Variants in LRBA observed in about 807,000 individuals in gnomAD.
LRBA encodes lipopolysaccharide-responsive and beige-like anchor protein.
In LRBA, 176 loss-of-function variants were observed where a neutral mutation model predicts 330.0. The observed-to-expected ratio is 0.53, with a 90% confidence interval of 0.47 to 0.60. The LOEUF is 0.60. Among genes scored for constraint, LRBA ranks in the 20% least tolerant of loss-of-function variants. The pLI is 0.00. For synonymous variants in LRBA, 1,230 were observed against 1,193.0 expected (o/e 1.03, Z -0.64); for missense variants, 3,259 against 3,444.8 (o/e 0.95, Z 1.35).
rs866062810 is a variant in LRBA, at chr4:150,489,241, A to T, written c.6449-1407T>A. Among the ~76,000 whole-genome samples, 15 of 102,634 alleles carry T rather than the reference A, an allele frequency of 1.5e-4. 1 individual carries two copies. The highest frequency in any genetic ancestry group is 1.2e-4 in the Non-Finnish European group (7 of 56,648). 67.3% of individuals were successfully genotyped at this position (102,634 alleles called of 152,430 possible). On this transcript the variant is annotated intron_variant, in intron 41 of 56. Transcript: ENST00000651943. Reference sequence around the variant, plus strand: ...GAATATATAATATATTATATATACGAATATATAATATATTATATATAAGAA... The same window carrying T: ...GAATATATAATATATTATATATACGTATATATAATATATTATATATAAGAA...
intron 48 of LRBA, among the ~76,000 whole-genome samples, chr4:150,336,818 C>G (rs1198221144): frequency 6.6e-6 from 1 of 152,164 alleles, no homozygotes; most frequent in Non-Finnish European, 1.5e-5. Flanking sequence ...AGCTGCCAAT[C>G]TGAAAGAAAC....
At chr4:150,510,444 T>C (rs765113479) in intron 40 of LRBA, among the ~76,000 whole-genome samples, 8 of 152,176 alleles carry the variant, frequency 5.3e-5, no homozygotes, top group Admixed American at 2.0e-4. Context: ...CACTTAAATA[T>C]TTGTAAAATT....
chr4:150,340,987 CTT>C (rs1735459689), intron 48 of LRBA, among the ~76,000 whole-genome samples: 1 of 152,104 alleles, frequency 6.6e-6, no homozygotes, highest in Non-Finnish European at 1.5e-5. Flanking sequence ...AATGATCTGA[CTT>C]ACAGTTTCAA....
In LRBA at chr4:150,282,655, A is replaced by T. The variant is rs781121695; in HGVS notation, c.8120-9T>A. On this transcript the variant is annotated splice_polypyrimidine_tract_variant and intron_variant, in intron 54 of 56. Coordinates refer to ENST00000651943, the MANE Select transcript of LRBA (RefSeq NM_001364905.1). ...TATGAGACATGGTCCTTCTGAGAAG[A>T]GAGGAGAAATAAAAGGCAAAATTAT... is the stretch of plus-strand genomic sequence containing the variant. The T allele has an allele frequency of 5.7e-6, 9 of 1,579,688 alleles. No homozygotes were observed. In the East Asian group the frequency reaches 2.0e-4, roughly 36 times the overall value.
At chr4:150,652,727 A>C (rs945445217) in intron 37 of LRBA, among the ~76,000 whole-genome samples, 1 of 152,236 alleles carries the variant, frequency 6.6e-6, no homozygotes, top group Non-Finnish European at 1.5e-5. Context: ...AGCATTTTAC[A>C]ACTTATGGCA....
Position 150,970,072 on chromosome 4 carries a change from A to C in LRBA, c.217-41007T>G, listed in dbSNP as rs373951477. Reference sequence around the variant, plus strand: ...GAGCAACCACCACCCTGATCGAGGCAAAACCCTCCACCACCAAAAAGATTA... The same window carrying C: ...GAGCAACCACCACCCTGATCGAGGCCAAACCCTCCACCACCAAAAAGATTA... On this transcript the variant is annotated intron_variant, in intron 2 of 56. Coordinates refer to ENST00000651943, the MANE Select transcript of LRBA (RefSeq NM_001364905.1). Among the ~76,000 whole-genome samples, 20 of 152,340 alleles carry C rather than the reference A, an allele frequency of 1.3e-4. No individual in the cohort carries two copies. In the South Asian group the frequency reaches 4.1e-3, roughly 32 times the overall value.
In LRBA at chr4:150,515,800, T is replaced by A. The variant is rs546881037; in HGVS notation, c.6331-24765A>T. The stretch of plus-strand genomic sequence containing the variant: ...CACAAATATTGAAATTAGAAAAAAA[T>A]TTCATTCATAATTGCAAGAAAAACA... On this transcript the variant is annotated intron_variant, in intron 40 of 56. Transcript: ENST00000651943. Among the ~76,000 whole-genome samples the A allele has an allele frequency of 1.3e-3, 191 of 152,076 alleles. 4 individuals are homozygous for A. Among genetic ancestry groups the A allele is most frequent in the African/African-American group, 4.5e-3 (187 of 41,490 alleles).
intron 48 of LRBA, among the ~76,000 whole-genome samples, chr4:150,336,179 C>T (rs1476488806): frequency 6.6e-6 from 1 of 152,122 alleles, no homozygotes; most frequent in African/African-American, 2.4e-5. Flanking sequence ...AAGCCCCGTA[C>T]CCAATAGTTA....
intron 35 of LRBA, among the ~76,000 whole-genome samples, chr4:150,736,143 C>G (rs1449142295): frequency 6.6e-6 from 1 of 152,116 alleles, no homozygotes; most frequent in African/African-American, 2.4e-5. Flanking sequence ...AAAAACCCAG[C>G]CTTGAGTCAG....
intron 32 of LRBA, among the ~76,000 whole-genome samples, chr4:150,808,110 A>T (rs1743069982): frequency 6.6e-6 from 1 of 151,720 alleles, no homozygotes; most frequent in South Asian, 2.1e-4. Flanking sequence ...TACATCATGA[A>T]ATGACTTGTA....
chr4:150,423,286 C>A, intron 46 of LRBA: 1 of 848,322 alleles, frequency 1.2e-6, no homozygotes. Flanking sequence ...AGGGGTGTCT[C>A]CCTTCAAACA....
chr4:150,959,038 T>C (rs1441140549), intron 2 of LRBA, among the ~76,000 whole-genome samples: 2 of 149,286 alleles, frequency 1.3e-5, no homozygotes, highest in South Asian at 2.1e-4. Context: ...CACCCTACCA[T>C]TACCAATTTA....
At chr4:150,978,968 G>A (rs1451824490) in intron 2 of LRBA, among the ~76,000 whole-genome samples, 1 of 152,102 alleles carries the variant, frequency 6.6e-6, no homozygotes, top group African/African-American at 2.4e-5. Context: ...GGGGTAGAAA[G>A]TCTATTCAAA....
At chr4:150,518,456 G>T (rs1762590550) in intron 40 of LRBA, among the ~76,000 whole-genome samples, 2 of 152,120 alleles carry the variant, frequency 1.3e-5, no homozygotes, top group Admixed American at 1.3e-4. Context: ...ATGGATAAGG[G>T]GAGGCTACTG....
chr4:150,310,536 A>G (rs1730925055), intron 51 of LRBA, 152 bp from the exon 52 acceptor site: 3 of 515,188 alleles, frequency 5.8e-6, no homozygotes. Flanking sequence ...AAACATATCC[A>G]ATTGCTGGAA....
intron 2 of LRBA, among the ~76,000 whole-genome samples, chr4:150,987,640 A>G (rs1469989457): frequency 2.1e-4 from 32 of 151,942 alleles, no homozygotes; most frequent in Admixed American, 2.0e-3. Flanking sequence ...TGGGAGACAG[A>G]GGTGGCAGTG....
In LRBA at chr4:150,852,065, T is replaced by G. The variant is rs1750679811; in HGVS notation, c.3645A>C (p.Ala1215=). The part of the protein sequence containing the change: ...LGQMLEEGKK[A]TNLTRETKLI... ...ATTTGGTTTCTCTAGTGAGGTTAGTTGCTTTCTTCCCTTCCTCCAGCATCT... is the reference window on the plus strand; with the variant it reads ...ATTTGGTTTCTCTAGTGAGGTTAGTGGCTTTCTTCCCTTCCTCCAGCATCT... Residue 1215 remains alanine (A), a synonymous_variant, in exon 23 of 57, where the codon GCA becomes GCC. Transcript: ENST00000651943. The G allele has an allele frequency of 6.2e-7, 1 of 1,614,170 alleles. No individual in the cohort carries two copies. The highest frequency in any genetic ancestry group is 8.5e-7 in the Non-Finnish European group (1 of 1,180,006).
intron 40 of LRBA, among the ~76,000 whole-genome samples, chr4:150,549,411 A>C (rs1178925216): frequency 2.0e-5 from 3 of 151,914 alleles, no homozygotes; most frequent in Non-Finnish European, 4.4e-5. Context: ...GGCTCACTGC[A>C]AGCTCCGCCT....
intron 48 of LRBA, among the ~76,000 whole-genome samples, chr4:150,328,417 CTT>C (rs1292046417): frequency 2.6e-5 from 4 of 151,802 alleles, no homozygotes; most frequent in Admixed American, 6.6e-5. Flanking sequence ...ATCTTTCTCT[CTT>C]GTTGTATATG....
Sources: gnomAD v4.1 joint callset for allele counts (sites outside exome capture counted in the v4.1 genomes callset) on GRCh38, gnomAD v4.1.1 for gene constraint, MANE v1.5 for transcripts, NCBI Gene and HGNC (gene_info 2026-07-23, HGNC 2026-07-21) for gene names.